The following IGSF9 variants were observed in gnomAD, a reference collection of about 807,000 sequenced individuals.
The protein encoded by IGSF9 is immunoglobulin superfamily member 9.
Under a neutral mutation model 121.7 loss-of-function variants are expected in IGSF9, and 87 were observed. The ratio of observed to expected loss-of-function variants is 0.71; its 90% CI spans 0.60 to 0.85. The LOEUF is 0.85. Among genes scored for constraint, IGSF9 ranks in the 40% least tolerant of loss-of-function variants. IGSF9 has a pLI of 0.00. For synonymous variants in IGSF9, 640 were observed against 648.4 expected (o/e 0.99, Z 0.20); for missense variants, 1,462 against 1,565.3 (o/e 0.93, Z 1.11).
chr1:159,927,634 A>G, intron 20 of IGSF9, 108 bp from the exon 21 acceptor site: 1 of 1,540,738 alleles, frequency 6.5e-7, no homozygotes. Flanking sequence ...CCAAGGGGGC[A>G]AGGCACAGTC....
chr1:159,930,651 C>G (rs1188059447), intron 14 of IGSF9, 41 bp downstream of exon 14: 11 of 1,611,912 alleles, frequency 6.8e-6, no homozygotes, highest in Non-Finnish European at 9.3e-6. Flanking sequence ...CAGCCCTTCC[C>G]CATCCTTGTC....
At position 159,930,392 on chromosome 1, in the gene IGSF9, G is replaced by C; in HGVS notation, c.1861C>G (p.Pro621Ala). The change falls in exon 15 of 21, where the codon CCG becomes GCG. Residue 621 changes from proline to alanine, a missense_variant. Transcript: ENST00000368094. ...CCCCGCGGAGGGGACAGGGGAGGCG[G>C]TATCTCTGTTGGGGGAAGCCCGGGT... ...AAPGLPPTEI[P>A]PPLSPPRGLV... The C allele has an allele frequency of 1.3e-6, 2 of 1,571,804 alleles. No individual in the cohort carries two copies. The highest frequency in any genetic ancestry group is 1.7e-6 in the Non-Finnish European group (2 of 1,157,762).
In IGSF9 at chr1:159,929,742, C is replaced by A; in HGVS notation, c.2222G>T (p.Gly741Val). 6.2e-7 allele frequency: 1 copy of A among 1,603,222 alleles called. No individual in the cohort carries two copies. Among genetic ancestry groups the A allele is most frequent in the Non-Finnish European group, 8.5e-7 (1 of 1,175,598 alleles). ...GGCCACTCCCAGAAAGCAGACTCCG[C>A]CCACCACGCCGGCCAGCACGGGCTG... ...LPQPVLAGVV[G>V]GVCFLGVAVL... The change falls in exon 17 of 21, where the codon GGC (glycine) becomes GTC (valine). Residue 741 changes from glycine (G) to valine (V), a missense_variant. Physicochemically the swap from Gly to Val is moderately radical, Grantham distance 109 (BLOSUM62 -3). Transcript: ENST00000368094.
intron 3 of IGSF9, among the ~76,000 whole-genome samples, chr1:159,940,868 C>T (rs1339404038): frequency 1.3e-5 from 2 of 152,086 alleles, no homozygotes; most frequent in African/African-American, 2.4e-5. Context: ...GCACAAAAGC[C>T]CATCCTGCCA....
Position 159,936,496 on chromosome 1 carries a change from C to T in IGSF9, c.576G>A (p.Arg192=), listed in dbSNP as rs1651189359. 3 of 1,613,886 alleles carry T rather than the reference C, an allele frequency of 1.9e-6. No individual in the cohort carries two copies. The highest frequency in any genetic ancestry group is 1.7e-5 in the Admixed American group (1 of 60,004). Residue 192 remains arginine, a synonymous_variant, in exon 6 of 21, where the codon CGG becomes CGA. Transcript: ENST00000368094. ...GQVQVQNGTL[R]IRRVERGSSG... The stretch of plus-strand genomic sequence containing the variant: ...AGCTGCCTCGCTCTACCCGGCGGAT[C>T]CGCAGCGTCCCGTTCTGCACCTAGG...
At chr1:159,936,626 T>C in intron 5 of IGSF9, 110 bp from the exon 6 acceptor site, 1 of 1,521,138 alleles carries the variant, frequency 6.6e-7, no homozygotes, top group Non-Finnish European at 9.0e-7. Context: ...GGGCAAACAA[T>C]GCCAAGCCCT....
At chr1:159,942,520 C>T (rs966160067) in intron 3 of IGSF9, among the ~76,000 whole-genome samples, 10 of 152,044 alleles carry the variant, frequency 6.6e-5, no homozygotes, top group Non-Finnish European at 1.2e-4. Context: ...GCATTTAAGA[C>T]GATGAGGAAG....
intron 3 of IGSF9, among the ~76,000 whole-genome samples, chr1:159,941,682 T>G (rs1224136980): frequency 6.6e-6 from 1 of 152,202 alleles, no homozygotes; most frequent in African/African-American, 2.4e-5. Context: ...CCACCTCCCC[T>G]TGCCTTGCCC....
In IGSF9 at chr1:159,927,759, C is replaced by T. The variant is rs1650793016; in HGVS notation, c.3358+1G>A. 1 of 1,612,560 alleles carries T rather than the reference C, an allele frequency of 6.2e-7. No individual in the cohort carries two copies. The highest frequency in any genetic ancestry group is 8.5e-7 in the Non-Finnish European group (1 of 1,179,578). On this transcript the variant is annotated splice_donor_variant, in intron 20 of 20. Transcript: ENST00000368094. LOFTEE classifies it high-confidence loss of function. ...CCTGCCTTTCCGGGGGGCTCACACA[C>T]CTAGCTCTGGCTCAGCTTCAGGTCT...
At position 159,930,310 on chromosome 1, in the gene IGSF9, A is replaced by C; in HGVS notation, c.1943T>G (p.Leu648Arg). The C allele has an allele frequency of 1.2e-6, 2 of 1,613,636 alleles. No homozygotes were observed. The highest frequency in any genetic ancestry group is 1.7e-6 in the Non-Finnish European group (2 of 1,179,758). ...GTAGCCATCCAGTCTCTTAGGGACC[A>C]GCTCTGGGGGATCCCAATGCAGGAG... ...GVLLHWDPPELVPKRLDGYVL... is the reference protein window; with the variant it reads ...GVLLHWDPPERVPKRLDGYVL... Residue 648 changes from leucine (L) to arginine (R), a missense_variant, in exon 15 of 21, where the codon CTG (leucine) becomes CGG (arginine). This residue lies in a region of IGSF9 where 808 missense variants were observed against 815.2 expected (regional missense o/e 0.99). Coordinates refer to ENST00000368094, the MANE Select transcript of IGSF9 (RefSeq NM_001135050.2).
At chr1:159,938,064 A>G (rs1651257755) in intron 3 of IGSF9, among the ~76,000 whole-genome samples, 1 of 152,112 alleles carries the variant, frequency 6.6e-6, no homozygotes, top group African/African-American at 2.4e-5. Context: ...CCCTGTCTAG[A>G]CAAAGAGAAA....
Position 159,927,277 on chromosome 1 carries a change from A to C in IGSF9, c.*68T>G. ...AGGGGCAGTGCCCTCGTTTGAAACTAGGTCTGTCTGGTTGGGGGCCTCCTT... is the reference window on the plus strand; with the variant it reads ...AGGGGCAGTGCCCTCGTTTGAAACTCGGTCTGTCTGGTTGGGGGCCTCCTT... On this transcript the variant is annotated 3_prime_UTR_variant, in exon 21 of 21. Transcript: ENST00000368094. 6.3e-7 allele frequency: 1 copy of C among 1,585,062 alleles called. No individual in the cohort carries two copies. The highest frequency in any genetic ancestry group is 8.6e-7 in the Non-Finnish European group (1 of 1,156,644).
At chr1:159,928,118 G>A in intron 19 of IGSF9, 40 bp downstream of exon 19, 2 of 1,590,460 alleles carry the variant, frequency 1.3e-6, no homozygotes, top group Admixed American at 1.7e-5. Context: ...TCTGGGGTGG[G>A]ACTGAGGCGG....
chr1:159,941,732 G>A (rs1187943779), intron 3 of IGSF9, among the ~76,000 whole-genome samples: 5 of 152,208 alleles, frequency 3.3e-5, no homozygotes, highest in Non-Finnish European at 7.3e-5. Flanking sequence ...GCCTCAGCCC[G>A]GCAGCCCGAG....
Position 159,927,446 on chromosome 1 carries a change from C to T in IGSF9, c.3439G>A (p.Glu1147Lys). ...GPEARCAALR[E>K]EFLAFRRRRD... ...CGGCGGCGGAAGGCCAGGAATTCCT[C>T]CCGAAGGGCAGCACAGCGGGCCTCA... Residue 1147 changes from glutamate to lysine, a missense_variant, in exon 21 of 21, where the codon GAG (glutamate) becomes AAG (lysine). Transcript: ENST00000368094. 6.2e-7 allele frequency: 1 copy of T among 1,614,150 alleles called. No homozygotes were observed. The highest frequency in any genetic ancestry group is 8.5e-7 in the Non-Finnish European group (1 of 1,180,036).
In IGSF9 at chr1:159,929,661, CGGCGGGCAGCCCTGCGCCGGTTCAGGA is replaced by C. The variant is rs771454661; in HGVS notation, c.2276_2302del (p.Leu759_Arg767del). The C allele has an allele frequency of 6.3e-6, 10 of 1,593,600 alleles. No individual in the cohort carries two copies. The highest frequency in any genetic ancestry group is 8.5e-6 in the Non-Finnish European group (10 of 1,171,836). ...ACCTTGGCGGAGGCGCTTGCGGCGG[CGGCGGGCAGCCCTGCGCCGGTTCAGGA>C]GGCAGCCGGCCAGGATGCTCACAAG... On this transcript the variant is annotated inframe_deletion, in exon 17 of 21. Coordinates refer to ENST00000368094, the MANE Select transcript of IGSF9 (RefSeq NM_001135050.2).
In IGSF9 at chr1:159,934,320, A is replaced by C. The variant is rs777625575; in HGVS notation, c.974T>G (p.Val325Gly). The C allele has an allele frequency of 6.3e-7, 1 of 1,598,206 alleles. No individual in the cohort carries two copies. Among genetic ancestry groups the C allele is most frequent in the Non-Finnish European group, 8.5e-7 (1 of 1,171,250 alleles). Reference protein sequence around the residue: ...AYLTVLYPAQVTAMPPETPLP... With the variant: ...AYLTVLYPAQGTAMPPETPLP... ...GGGTGTCTCAGGAGGCATAGCTGTCACCTGGGCTGGGTCTGGGGGAAAGTA... is the reference window on the plus strand; with the variant it reads ...GGGTGTCTCAGGAGGCATAGCTGTCCCCTGGGCTGGGTCTGGGGGAAAGTA... Residue 325 changes from valine to glycine, a missense_variant, in exon 9 of 21, where the codon GTG becomes GGG. Val to Gly is a moderately radical substitution (Grantham distance 109). Around this residue, in one of 3 missense-constraint regions of IGSF9, gnomAD observed 558 missense variants for 599.4 expected, o/e 0.93. Transcript: ENST00000368094.
chr1:159,927,744 C>G lies in IGSF9; in HGVS notation c.3358+16G>C. ...AGTATGGCCGAGATGCCTGCCTTTCCGGGGGGCTCACACACCTAGCTCTGG... is the reference window on the plus strand; with the variant it reads ...AGTATGGCCGAGATGCCTGCCTTTCGGGGGGGCTCACACACCTAGCTCTGG... On this transcript the variant is annotated intron_variant, in intron 20 of 20. Transcript: ENST00000368094. 1 of 1,609,610 alleles carries G rather than the reference C, an allele frequency of 6.2e-7. No homozygotes were observed. Among genetic ancestry groups the G allele is most frequent in the Non-Finnish European group, 8.5e-7 (1 of 1,178,446 alleles).
chr1:159,931,817 T>C lies in IGSF9; in HGVS notation c.1357A>G (p.Thr453Ala), dbSNP rs773330845. The C allele has an allele frequency of 6.4e-7, 1 of 1,570,520 alleles. No homozygotes were observed. Among genetic ancestry groups the C allele is most frequent in the East Asian group, 2.2e-5 (1 of 44,552 alleles). Residue 453 changes from threonine (T) to alanine (A), a missense_variant, in exon 11 of 21, where the codon ACC becomes GCC. By Grantham distance (58) the Thr-to-Ala change is moderately conservative (BLOSUM62 0). This residue lies in a region of IGSF9 where 96 missense variants were observed against 150.7 expected (regional missense o/e 0.64). Coordinates refer to ENST00000368094, the MANE Select transcript of IGSF9 (RefSeq NM_001135050.2). This position sits in a 1 kb window ranked among gnomAD's most constrained non-coding sequence, Gnocchi z 4.8. ...AGCGGGCTCAGGAGCCTTACCTTGG[T>C]CCAAGAGACAACAGGAGGAGGGTCC... Reference protein sequence around the residue: ...QGDPPPVVSWTKVGRGLQGQA... With the variant: ...QGDPPPVVSWAKVGRGLQGQA...
Sources: allele counts gnomAD v4.1 joint callset (sites outside exome capture counted in the v4.1 genomes callset), GRCh38; gene constraint gnomAD v4.1.1; regional missense constraint gnomAD v4.1.1; non-coding constraint Gnocchi (gnomAD v3.1); transcripts MANE v1.5; gene names NCBI Gene and HGNC (gene_info 2026-07-23, HGNC 2026-07-21).